The following MED15 variants were observed in gnomAD, a reference collection of about 807,000 sequenced individuals.
MED15 encodes mediator complex subunit 15.
In MED15, 41 loss-of-function variants were observed where a neutral mutation model predicts 118.7. That is an observed-to-expected ratio of 0.35 (90% CI 0.27 to 0.45). The LOEUF is 0.45. MED15 is among the 20% of genes least tolerant of loss of function. The probability of loss-of-function intolerance (pLI) is 1.00; values close to 1 mark genes in which losing one functional copy is unlikely to be tolerated. For synonymous variants in MED15, 436 were observed against 413.9 expected, an observed-to-expected ratio of 1.05 and a Z score of -0.65; for missense variants, 740 against 1,025.5, an observed-to-expected ratio of 0.72 and a Z score of 3.80.
At chr22:20,553,201 G>A (rs1163792128) in intron 4 of MED15, 27 bp downstream of exon 4, 1 of 1,607,516 alleles carries the variant, frequency 6.2e-7, no homozygotes, top group Admixed American at 1.7e-5. Context: ...TTGAGTTAAA[G>A]TTTCTCCCAA....
At chr22:20,535,970 C>G (rs542126964) in intron 1 of MED15, among the ~76,000 whole-genome samples, 2 of 148,340 alleles carry the variant, frequency 1.3e-5, no homozygotes, top group Admixed American at 1.4e-4. Context: ...CTCCACCTCC[C>G]GGTTCAAGCG....
In MED15 at chr22:20,564,436, T is replaced by C. The variant is rs756921535; in HGVS notation, c.452-14T>C. The C allele has an allele frequency of 7.4e-6, 12 of 1,613,446 alleles. No homozygotes were observed. The East Asian group carries it at 2.7e-4, about 36-fold the overall frequency. ...TGCCCTGTGGACTGACTGGCGACTCTGGTCTTTTCTCAGCCCAGCTGCAGC... is the reference window on the plus strand; with the variant it reads ...TGCCCTGTGGACTGACTGGCGACTCCGGTCTTTTCTCAGCCCAGCTGCAGC... On this transcript the variant is annotated splice_polypyrimidine_tract_variant and intron_variant, in intron 5 of 17. Transcript: ENST00000263205.
Position 20,582,624 on chromosome 22 carries a change from G to A in MED15, c.1286G>A (p.Ser429Asn). 6.4e-7 allele frequency: 1 copy of A among 1,562,054 alleles called. No individual in the cohort carries two copies. Reference sequence around the variant, plus strand: ...CTCCACTTCCAGGTCAGCCAGAGCAGCCTCCCCATGCTGTCCTCGCCGTCA... The same window carrying A: ...CTCCACTTCCAGGTCAGCCAGAGCAACCTCCCCATGCTGTCCTCGCCGTCA... Reference protein sequence around the residue: ...RQPMAQVSQSSLPMLSSPSPG... With the variant: ...RQPMAQVSQSNLPMLSSPSPG... Residue 429 changes from serine (S) to asparagine (N), a missense_variant, in exon 10 of 18, where the codon AGC (serine) becomes AAC (asparagine). This residue lies in a region of MED15 where 384 missense variants were observed against 506.3 expected (regional missense o/e 0.76). Transcript: ENST00000263205.
chr22:20,585,970 C>T (rs760747157), intron 17 of MED15, 144 bp downstream of exon 17: 15 of 732,330 alleles, frequency 2.0e-5, no homozygotes, highest in Middle Eastern at 3.7e-4. Flanking sequence ...CTTCTGGCTC[C>T]TCCTGCACAG....
intron 1 of MED15, among the ~76,000 whole-genome samples, chr22:20,508,952 G>C (rs552395773): frequency 6.6e-6 from 1 of 152,318 alleles, no homozygotes; most frequent in Admixed American, 6.5e-5. Flanking sequence ...TCTGTAATGT[G>C]TATACTGCAG....
chr22:20,520,112 A>G (rs933162718), intron 1 of MED15, among the ~76,000 whole-genome samples: 2 of 152,162 alleles, frequency 1.3e-5, no homozygotes, highest in Non-Finnish European at 2.9e-5. Flanking sequence ...GGCCAAAGGC[A>G]GGGGACCAGC....
intron 1 of MED15, among the ~76,000 whole-genome samples, chr22:20,535,831 C>T (rs4528873): frequency 0.8 from 119,807 of 149,420 alleles, 48,076 homozygotes; most frequent in East Asian, 0.87. Flanking sequence ...AGTGCTGGGA[C>T]TACAGGCGTG....
intron 10 of MED15, 22 bp downstream of exon 10, chr22:20,582,769 C>G: frequency 6.3e-7 from 1 of 1,589,656 alleles, no homozygotes; most frequent in East Asian, 2.2e-5. Context: ...CTGGGGTGCC[C>G]CTCCCCACCT....
chr22:20,507,797 C>A (rs369116606), intron 1 of MED15, 51 bp downstream of exon 1: 18 of 1,610,520 alleles, frequency 1.1e-5, no homozygotes, highest in South Asian at 2.2e-5. Context: ...TCCTCCTTAG[C>A]GTGGCGGGCG....
rs551989150 is a variant in MED15 at position 20,527,629 on chromosome 22, A to G, written c.69-9488A>G. Among the ~76,000 whole-genome samples, 30 of 151,978 alleles carry G rather than the reference A, an allele frequency of 2.0e-4. 1 individual carries two copies. The highest frequency in any genetic ancestry group is 7.0e-4 in the African/African-American group (29 of 41,466). On this transcript the variant is annotated intron_variant, in intron 1 of 17. Coordinates refer to ENST00000263205, the MANE Select transcript of MED15 (RefSeq NM_001003891.3). ...GCAAATATTTTTGTTTTTCGTAGAGATGGGATCTTGTGATGTTGCCCAGGC... is the reference window on the plus strand; with the variant it reads ...GCAAATATTTTTGTTTTTCGTAGAGGTGGGATCTTGTGATGTTGCCCAGGC...
At position 20,578,949 on chromosome 22, in the gene MED15, G is replaced by A. The variant is rs538167069; in HGVS notation, c.1273-3662G>A. On this transcript the variant is annotated intron_variant, in intron 9 of 17. Transcript: ENST00000263205. ...GCTCATGGCTGCATCTTCCTGTTAC[G>A]GTGGGCATGCCTCACGGACTCAGGC... Among the ~76,000 whole-genome samples the A allele has an allele frequency of 4.7e-4, 71 of 152,320 alleles. No individual in the cohort carries two copies. In the South Asian group the frequency reaches 0.014, roughly 31 times the overall value.
intron 2 of MED15, among the ~76,000 whole-genome samples, chr22:20,540,294 T>C (rs1426065550): frequency 6.6e-6 from 1 of 152,224 alleles, no homozygotes; most frequent in Non-Finnish European, 1.5e-5. Flanking sequence ...CTTTCCATTT[T>C]GTGCCAAAAA....
chr22:20,515,867 G>A (rs148839032), intron 1 of MED15, among the ~76,000 whole-genome samples: 4,519 of 152,052 alleles, frequency 0.03, 231 homozygotes, highest in African/African-American at 0.1. Flanking sequence ...GCCAGGCATA[G>A]TGGTGCACAC....
At chr22:20,535,812 G>A (rs1410008213) in intron 1 of MED15, among the ~76,000 whole-genome samples, 1 of 151,390 alleles carries the variant, frequency 6.6e-6, no homozygotes, top group East Asian at 1.9e-4. Flanking sequence ...GCCCGCCTTG[G>A]CCTCCCAAAG....
At chr22:20,551,079 G>T (rs1395392584) in intron 2 of MED15, 3 of 516,964 alleles carry the variant, frequency 5.8e-6, no homozygotes, top group Non-Finnish European at 1.2e-5. Flanking sequence ...CAGGCCTTGT[G>T]CCCTCAGGCC....
In MED15 at chr22:20,578,015, C is replaced by T. The variant is rs188874644; in HGVS notation, c.1272+2783C>T. Among the ~76,000 whole-genome samples the T allele has an allele frequency of 1.5e-3, 223 of 152,290 alleles. 1 individual carries two copies. Among genetic ancestry groups the T allele is most frequent in the Non-Finnish European group, 2.4e-3 (161 of 68,012 alleles). On this transcript the variant is annotated intron_variant, in intron 9 of 17. Transcript: ENST00000263205. Reference sequence around the variant, plus strand: ...TCCTGGCTCACTGCAACCTCCACCTCCCAGCTTCAAGCGATTCTCCTGCCT... The same window carrying T: ...TCCTGGCTCACTGCAACCTCCACCTTCCAGCTTCAAGCGATTCTCCTGCCT...
intron 5 of MED15, among the ~76,000 whole-genome samples, chr22:20,560,462 A>G (rs2056191146): frequency 6.6e-6 from 1 of 152,078 alleles, no homozygotes; most frequent in Non-Finnish European, 1.5e-5. Context: ...ACGGGGTTTC[A>G]CCATGTTGGC....
intron 2 of MED15, among the ~76,000 whole-genome samples, chr22:20,538,338 C>A (rs1271102794): frequency 2.4e-4 from 37 of 152,214 alleles, no homozygotes; most frequent in Admixed American, 2.4e-3. Flanking sequence ...CAGCCTCAAT[C>A]TCCCGGGCTT....
intron 1 of MED15, among the ~76,000 whole-genome samples, chr22:20,513,144 C>G (rs964689704): frequency 7.9e-5 from 12 of 152,084 alleles, no homozygotes; most frequent in Admixed American, 2.6e-4. Flanking sequence ...ATGATCATAG[C>G]TCACTGCAGC....
Sources: gnomAD v4.1 joint callset for allele counts (sites outside exome capture counted in the v4.1 genomes callset) on GRCh38, gnomAD v4.1.1 for gene constraint, gnomAD v4.1.1 regional missense constraint, MANE v1.5 for transcripts, NCBI Gene and HGNC (gene_info 2026-07-23, HGNC 2026-07-21) for gene names.